The following NAALADL2 variants were observed in gnomAD, a reference collection of about 807,000 sequenced individuals.
NAALADL2 encodes N-acetylated alpha-linked acidic dipeptidase like 2, also known as inactive N-acetylated-alpha-linked acidic dipeptidase-like protein 2.
Under a neutral mutation model 87.2 loss-of-function variants are expected in NAALADL2, and 76 were observed. The observed-to-expected ratio is 0.87, with a 90% CI of 0.72 to 1.05. NAALADL2 has a LOEUF of 1.05. NAALADL2 is among the 50% of genes least tolerant of loss of function. NAALADL2 has a pLI of 0.00. For synonymous variants in NAALADL2, 354 were observed against 331.0 expected, an observed-to-expected ratio of 1.07 and a Z score of -0.75; for missense variants, 1,089 against 945.8, an observed-to-expected ratio of 1.15 and a Z score of -1.99.
At chr3:175,726,637 T>A (rs1357164859) in intron 11 of NAALADL2, among the ~76,000 whole-genome samples, 1 of 152,096 alleles carries the variant, frequency 6.6e-6, no homozygotes, top group African/African-American at 2.4e-5. Context: ...ATAATGTGCT[T>A]TCTATTGGCG....
At chr3:175,030,213 T>G (rs1297517968) in intron 1 of NAALADL2, among the ~76,000 whole-genome samples, 1 of 152,124 alleles carries the variant, frequency 6.6e-6, no homozygotes, top group African/African-American at 2.4e-5. Context: ...AGATGTTTGC[T>G]GCTATTTATG....
intron 13 of NAALADL2, among the ~76,000 whole-genome samples, chr3:175,779,678 C>T (rs1931164): frequency 0.35 from 53,800 of 151,940 alleles, 11,891 homozygotes; most frequent in African/African-American, 0.63. Flanking sequence ...CATGGGAATA[C>T]AATGAAAATT....
At chr3:175,078,830 C>A (rs1021820528) in intron 1 of NAALADL2, among the ~76,000 whole-genome samples, 1 of 152,170 alleles carries the variant, frequency 6.6e-6, no homozygotes, top group Admixed American at 6.5e-5. Context: ...ATTTATCCTT[C>A]CGTCAGTCTA....
At chr3:175,284,294 C>T (rs1451886432) in intron 4 of NAALADL2, among the ~76,000 whole-genome samples, 1 of 151,232 alleles carries the variant, frequency 6.6e-6, no homozygotes, top group African/African-American at 2.4e-5. Flanking sequence ...CTTGGTCCTC[C>T]TTCTAGAAGT....
At position 174,873,190 on chromosome 3, in the gene NAALADL2, T is replaced by C. The variant is rs531984128; in HGVS notation, c.43+13740T>C. On this transcript the variant is annotated intron_variant, in intron 1 of 13. Transcript: ENST00000454872. The stretch of plus-strand genomic sequence containing the variant: ...TAATGAATTAAACTAAAACTCACTC[T>C]CTCTGTCTGTCTCTCTCTCTCTCTC... 2.8e-5 allele frequency among the ~76,000 whole-genome samples: 4 copies of C among 141,386 alleles called. No homozygotes were observed. In the South Asian group the frequency reaches 6.3e-4, roughly 22 times the overall value. 92.8% of individuals were successfully genotyped at this position (141,386 alleles called of 152,430 possible). A position where few individuals can be genotyped will look rare whatever the true frequency, so the allele number is the denominator to read the frequency against.
intron 1 of NAALADL2, among the ~76,000 whole-genome samples, chr3:174,461,910 G>T (rs1012308807): frequency 2.0e-5 from 3 of 151,984 alleles, no homozygotes; most frequent in Admixed American, 2.0e-4. Flanking sequence ...TTAAACACAA[G>T]TAACTTATCA....
chr3:175,350,031 C>T lies in NAALADL2; in HGVS notation c.1090+25706C>T, dbSNP rs532159613. Among the ~76,000 whole-genome samples the T allele has an allele frequency of 6.1e-5, 9 of 146,562 alleles. No homozygotes were observed. In the South Asian group the frequency reaches 2.0e-3, roughly 32 times the overall value. ...CACACTTACAGTTTTTCATGCTTTC[C>T]AGTTACAAACACAAGGCTTGATTGA... On this transcript the variant is annotated intron_variant, in intron 5 of 13. Coordinates refer to ENST00000454872, the MANE Select transcript of NAALADL2 (RefSeq NM_207015.3).
At chr3:174,619,715 T>A (rs1273526595) in intron 2 of NAALADL2, among the ~76,000 whole-genome samples, 1 of 152,016 alleles carries the variant, frequency 6.6e-6, no homozygotes, top group Non-Finnish European at 1.5e-5. Flanking sequence ...GCTTTCTTAA[T>A]CTATTTGTAA....
chr3:175,582,271 T>C (rs1232829633), intron 10 of NAALADL2, among the ~76,000 whole-genome samples: 1 of 151,910 alleles, frequency 6.6e-6, no homozygotes, highest in Non-Finnish European at 1.5e-5. Flanking sequence ...CACAAATGGA[T>C]AATTTAAAAG....
intron 2 of NAALADL2, among the ~76,000 whole-genome samples, chr3:175,184,999 T>G (rs1737120430): frequency 6.6e-6 from 1 of 152,116 alleles, no homozygotes; most frequent in African/African-American, 2.4e-5. Context: ...CTGTTTCTTT[T>G]GCCTGTGAGC....
chr3:175,518,562 T>C (rs1732199293), intron 9 of NAALADL2, among the ~76,000 whole-genome samples: 1 of 152,186 alleles, frequency 6.6e-6, no homozygotes, highest in African/African-American at 2.4e-5. Flanking sequence ...AAGTCCAAGG[T>C]CATAGGGCCC....
intron 1 of NAALADL2, among the ~76,000 whole-genome samples, chr3:174,918,341 C>G (rs1223366577): frequency 6.6e-6 from 1 of 151,990 alleles, no homozygotes; most frequent in Non-Finnish European, 1.5e-5. Flanking sequence ...TCTGCTTACT[C>G]TTGGTGCAAA....
Position 175,781,681 on chromosome 3 carries a change from TA to T in NAALADL2, c.2190-21315del, listed in dbSNP as rs373126687. 4.2e-4 allele frequency among the ~76,000 whole-genome samples: 63 copies of T among 150,648 alleles called. 3 individuals are homozygous for T. Among genetic ancestry groups the T allele is most frequent in the South Asian group, 3.2e-3 (15 of 4,756 alleles). ...AAAAAAAAAAAAAAAGTTTAAAAGG[TA>T]AAAAAAAATTAACATAACGCTTTTA... On this transcript the variant is annotated intron_variant, in intron 13 of 13. Transcript: ENST00000454872.
intron 2 of NAALADL2, among the ~76,000 whole-genome samples, chr3:175,117,293 A>G (rs181658461): frequency 0.02 from 3,111 of 152,254 alleles, 52 homozygotes; most frequent in Admixed American, 0.031. Context: ...GCTTCTGCAC[A>G]GCAAAAGAAA....
chr3:174,968,757 G>A (rs1286885805), intron 1 of NAALADL2, among the ~76,000 whole-genome samples: 1 of 152,116 alleles, frequency 6.6e-6, no homozygotes, highest in Non-Finnish European at 1.5e-5. Flanking sequence ...GACTACAGAT[G>A]TGAGCCACTG....
At chr3:175,084,990 G>A (rs1718600800) in intron 1 of NAALADL2, among the ~76,000 whole-genome samples, 1 of 152,110 alleles carries the variant, frequency 6.6e-6, no homozygotes, top group African/African-American at 2.4e-5. Context: ...GACTCCAAGG[G>A]CGCTATACAC....
chr3:175,319,728 G>T (rs970650982), intron 4 of NAALADL2, among the ~76,000 whole-genome samples: 3 of 152,190 alleles, frequency 2.0e-5, no homozygotes, highest in African/African-American at 7.2e-5. Context: ...ACTGAGGCAG[G>T]AGAATGGCTT....
intron 3 of NAALADL2, among the ~76,000 whole-genome samples, chr3:175,245,235 G>A (rs1431962885): frequency 2.0e-5 from 3 of 152,184 alleles, no homozygotes; most frequent in Non-Finnish European, 4.4e-5. Context: ...CAAATAATAC[G>A]AAAGGACAGC....
intron 11 of NAALADL2, among the ~76,000 whole-genome samples, chr3:175,636,244 C>T (rs1301609696): frequency 6.6e-6 from 1 of 152,058 alleles, no homozygotes; most frequent in Non-Finnish European, 1.5e-5. Context: ...TAGACCTCTG[C>T]ACATGACCCT....
Sources: gnomAD v4.1 joint callset for allele counts (sites outside exome capture counted in the v4.1 genomes callset) on GRCh38, gnomAD v4.1.1 for gene constraint, MANE v1.5 for transcripts, NCBI Gene and HGNC (gene_info 2026-07-23, HGNC 2026-07-21) for gene names.